GLMN: variants seen among roughly 807,000 people sequenced by gnomAD.
GLMN encodes glomulin, FKBP associated protein.
A neutral mutation model predicts 87.8 loss-of-function variants in GLMN; 75 were observed. The ratio of observed to expected loss-of-function variants is 0.85; its 90% CI spans 0.71 to 1.04. The LOEUF is 1.04. Ranked by LOEUF, GLMN falls within the 50% of genes least tolerant of loss-of-function variation. The probability of loss-of-function intolerance (pLI) is 0.00; values close to 1 mark genes in which losing one functional copy is unlikely to be tolerated. For missense variants in GLMN, 588 were observed against 658.8 expected (o/e 0.89, Z 1.18); for synonymous variants, 206 against 221.6 (o/e 0.93, Z 0.63).
In GLMN at chr1:92,252,111, T is replaced by C. The variant is rs1007075036; in HGVS notation, c.1474-4122A>G. On this transcript the variant is annotated intron_variant, in intron 16 of 18. Transcript: ENST00000370360. ...TTATAATCATTCATTGGTACAAATA[T>C]ACAATTAAGCTTCACTAATTCTCTT... 3.9e-5 allele frequency among the ~76,000 whole-genome samples: 6 copies of C among 152,346 alleles called. No individual in the cohort carries two copies. The South Asian group carries it at 8.3e-4, about 21-fold the overall frequency.
the GLMN span, among the ~76,000 whole-genome samples, chr1:92,364,398 C>T: frequency 6.6e-6 from 1 of 152,082 alleles, no homozygotes; most frequent in Non-Finnish European, 1.5e-5. Context: ...AGTAGAGTTA[C>T]CTAGAAAGAA....
At chr1:92,365,631 G>A in the GLMN span, among the ~76,000 whole-genome samples, 15 of 152,310 alleles carry the variant, frequency 9.8e-5, no homozygotes, top group South Asian at 2.1e-4. Context: ...TTCTAAAATC[G>A]TTAATAGTTT....
At chr1:92,259,335 G>C (rs1047978279) in intron 16 of GLMN, among the ~76,000 whole-genome samples, 1 of 152,178 alleles carries the variant, frequency 6.6e-6, no homozygotes, top group African/African-American at 2.4e-5. Context: ...ATGGGAGCAT[G>C]TTTGTACTAT....
intron 17 of GLMN, 35 bp downstream of exon 17, chr1:92,247,842 TA>T (rs756870316): frequency 8.6e-6 from 7 of 812,630 alleles, no homozygotes; most frequent in Non-Finnish European, 1.3e-5. Flanking sequence ...GACTACTTTT[TA>T]GACCTAATTG....
At chr1:92,350,349 A>G in the GLMN span, among the ~76,000 whole-genome samples, 1 of 152,236 alleles carries the variant, frequency 6.6e-6, no homozygotes, top group African/African-American at 2.4e-5. Context: ...CAGAACATAT[A>G]TAACAGTGAT....
intron 16 of GLMN, among the ~76,000 whole-genome samples, chr1:92,255,369 G>A (rs891312631): frequency 1.2e-4 from 18 of 152,194 alleles, no homozygotes; most frequent in African/African-American, 2.9e-4. Context: ...AATTAACAAC[G>A]ATATTCAGGA....
At chr1:92,333,254 T>C in the GLMN span, 28 of 634,970 alleles carry the variant, frequency 4.4e-5, no homozygotes, top group East Asian at 5.0e-4. Context: ...CAAATTTAAA[T>C]CTAATTCTCA....
the GLMN span, among the ~76,000 whole-genome samples, chr1:92,331,766 T>C: frequency 6.6e-6 from 1 of 152,176 alleles, no homozygotes; most frequent in Non-Finnish European, 1.5e-5. Context: ...TCTATCCCCA[T>C]TCTTCCATCT....
At chr1:92,310,846 G>A in the GLMN span, among the ~76,000 whole-genome samples, 1 of 151,730 alleles carries the variant, frequency 6.6e-6, no homozygotes, top group Admixed American at 6.6e-5. Flanking sequence ...GCAGTGAGCC[G>A]AGATCACACC....
intron 3 of GLMN, among the ~76,000 whole-genome samples, chr1:92,295,407 A>G (rs1015143872): frequency 2.0e-5 from 3 of 152,048 alleles, no homozygotes; most frequent in Admixed American, 2.0e-4. Flanking sequence ...CTACATCTTA[A>G]TTCCTCTATC....
chr1:92,282,588 T>C (rs925268972), intron 7 of GLMN, among the ~76,000 whole-genome samples: 1 of 151,866 alleles, frequency 6.6e-6, no homozygotes, highest in African/African-American at 2.4e-5. Flanking sequence ...AGCAAACAAA[T>C]TCAAAAGCTA....
At chr1:92,276,399 G>A (rs1265217214) in intron 7 of GLMN, among the ~76,000 whole-genome samples, 3 of 151,988 alleles carry the variant, frequency 2.0e-5, no homozygotes, top group South Asian at 2.1e-4. Context: ...AGTGGCTCTC[G>A]CCTGTAATCC....
chr1:92,298,953 C>A lies in GLMN; in HGVS notation c.-59G>T. On this transcript the variant is annotated 5_prime_UTR_variant, in exon 1 of 19. Coordinates refer to ENST00000370360, the MANE Select transcript of GLMN (RefSeq NM_053274.3). ...CCAGAACCCTCGCCTCTCCCAGCCG[C>A]CGCCACCTCCTCCGGCGTCTTAGCC... 1 of 496,058 alleles carries A rather than the reference C, an allele frequency of 2.0e-6. No homozygotes were observed. The highest frequency in any genetic ancestry group is 3.6e-6 in the Non-Finnish European group (1 of 278,266). The allele number at this position is 496,058 out of a possible 1,614,324, so 30.7% of individuals were successfully genotyped here.
At chr1:92,277,766 C>CCTAG (rs573323018) in intron 7 of GLMN, among the ~76,000 whole-genome samples, 74 of 152,284 alleles carry the variant, frequency 4.9e-4, no homozygotes, top group African/African-American at 1.7e-3. Context: ...CTCCCCTATA[C>CCTAG]CTAGCCCTAT....
intron 3 of GLMN, among the ~76,000 whole-genome samples, chr1:92,294,352 C>T (rs141957723): frequency 9.9e-4 from 150 of 152,160 alleles, no homozygotes; most frequent in African/African-American, 3.3e-3. Context: ...ATAGAGTATA[C>T]GATACAGTAG....
chr1:92,299,131 T>A, upstream of GLMN: 1 of 1,519,502 alleles, frequency 6.6e-7, no homozygotes, highest in Non-Finnish European at 8.8e-7. Context: ...TCCCCGCTGC[T>A]CTCGAAAAGC....
chr1:92,304,976 A>C, the GLMN span, among the ~76,000 whole-genome samples: 1 of 152,020 alleles, frequency 6.6e-6, no homozygotes, highest in Non-Finnish European at 1.5e-5. Flanking sequence ...CTCTACAAAA[A>C]GTACAAAAAT....
At chr1:92,262,324 T>C (rs1294149125) in intron 16 of GLMN, among the ~76,000 whole-genome samples, 1 of 152,140 alleles carries the variant, frequency 6.6e-6, no homozygotes, top group Non-Finnish European at 1.5e-5. Flanking sequence ...GTATGACAAA[T>C]CTCCCTCAAA....
At chr1:92,324,003 T>C in the GLMN span, 1 of 1,614,010 alleles carries the variant, frequency 6.2e-7, no homozygotes, top group Non-Finnish European at 8.5e-7. Context: ...GTCCTGAAGT[T>C]GGAAAGAGAA....
Sources: gnomAD v4.1 joint callset for allele counts (sites outside exome capture counted in the v4.1 genomes callset) on GRCh38, gnomAD v4.1.1 for gene constraint, MANE v1.5 for transcripts, NCBI Gene and HGNC (gene_info 2026-07-23, HGNC 2026-07-21) for gene names.